PJA2: variants seen among roughly 807,000 people sequenced by gnomAD.
The protein encoded by PJA2 is praja ring finger ubiquitin ligase 2.
In PJA2, 25 loss-of-function variants were observed where a neutral mutation model predicts 69.3. The ratio of observed to expected loss-of-function variants is 0.36; its 90% confidence interval spans 0.26 to 0.50. The LOEUF is 0.50. Among genes scored for constraint, PJA2 ranks in the 20% least tolerant of loss-of-function variants. The pLI is 0.96. For synonymous variants in PJA2, 308 were observed against 277.8 expected (o/e 1.11, Z -1.08); for missense variants, 809 against 830.2 (o/e 0.97, Z 0.31).
Position 109,355,978 on chromosome 5 carries a change from T to A in PJA2, c.1701A>T (p.Ser567=), listed in dbSNP as rs982856315. ...ADGLGVAEAI[S]YVDPQFLTYM... Reference sequence around the variant, plus strand: ...AGGTAAGGAACTGAGGATCCACATATGAAATAGCTTCAGCAACTCCTAGTC... The same window carrying A: ...AGGTAAGGAACTGAGGATCCACATAAGAAATAGCTTCAGCAACTCCTAGTC... The change falls in exon 7 of 10, where the codon TCA becomes TCT. Residue 567 remains serine, a synonymous_variant. Transcript: ENST00000361189. 1 of 1,613,262 alleles carries A rather than the reference T, an allele frequency of 6.2e-7. No individual in the cohort carries two copies. The highest frequency in any genetic ancestry group is 1.3e-5 in the African/African-American group (1 of 74,726).
chr5:109,343,041 A>G (rs1350247907), intron 9 of PJA2, among the ~76,000 whole-genome samples: 1 of 104,164 alleles, frequency 9.6e-6, no homozygotes. Flanking sequence ...CCAGGATGAC[A>G]ATGGCGGCTT....
intron 6 of PJA2, among the ~76,000 whole-genome samples, chr5:109,361,470 T>C (rs375043024): frequency 9.9e-5 from 15 of 152,250 alleles, no homozygotes; most frequent in Admixed American, 2.0e-4. Flanking sequence ...CCTTCATATG[T>C]AACCGTAATT....
chr5:109,399,662 T>C (rs189609156), intron 1 of PJA2, among the ~76,000 whole-genome samples: 51 of 152,266 alleles, frequency 3.3e-4, no homozygotes, highest in Middle Eastern at 3.4e-3. Flanking sequence ...TAAGAATTAT[T>C]TGCCACAATC....
At chr5:109,372,356 T>A (rs893738409) in intron 4 of PJA2, among the ~76,000 whole-genome samples, 1 of 151,978 alleles carries the variant, frequency 6.6e-6, no homozygotes, top group African/African-American at 2.4e-5. Flanking sequence ...AATATCTTTA[T>A]AATCACTTCA....
intron 6 of PJA2, among the ~76,000 whole-genome samples, chr5:109,358,584 C>T (rs935028343): frequency 6.6e-6 from 1 of 152,066 alleles, no homozygotes; most frequent in South Asian, 2.1e-4. Context: ...TTTGGGAGGC[C>T]GAGGTGGGCG....
chr5:109,363,149 A>T, intron 5 of PJA2, 127 bp from the exon 6 acceptor site: 1 of 750,716 alleles, frequency 1.3e-6, no homozygotes, highest in Non-Finnish European at 1.9e-6. Flanking sequence ...TATAATTCTA[A>T]AAAACTGTCT....
chr5:109,382,418 C>T (rs1013722624), intron 2 of PJA2, among the ~76,000 whole-genome samples: 2 of 152,146 alleles, frequency 1.3e-5, no homozygotes, highest in African/African-American at 4.8e-5. Context: ...TAAACAGCAG[C>T]AACTTTCACT....
At chr5:109,391,850 C>G (rs1747289426) in intron 1 of PJA2, among the ~76,000 whole-genome samples, 1 of 152,046 alleles carries the variant, frequency 6.6e-6, no homozygotes, top group South Asian at 2.1e-4. Context: ...CTAATATTAC[C>G]TTGAAAGGAT....
intron 1 of PJA2, among the ~76,000 whole-genome samples, chr5:109,396,633 G>A (rs1245339969): frequency 6.6e-6 from 1 of 151,004 alleles, no homozygotes; most frequent in Admixed American, 6.6e-5. Context: ...CACCATGTTG[G>A]TCAGGCTAGT....
intron 7 of PJA2, among the ~76,000 whole-genome samples, chr5:109,353,062 A>G (rs1358589815): frequency 6.9e-6 from 1 of 144,732 alleles, no homozygotes; most frequent in Non-Finnish European, 1.5e-5. Context: ...AGACATCTAT[A>G]TATTAGATAC....
intron 9 of PJA2, among the ~76,000 whole-genome samples, chr5:109,342,184 C>G (rs1273797542): frequency 4.2e-3 from 377 of 89,176 alleles, no homozygotes; most frequent in African/African-American, 0.017. Context: ...GCCGCCCCGT[C>G]CGGGAGGGAG....
intron 7 of PJA2, among the ~76,000 whole-genome samples, chr5:109,354,151 A>G (rs1215377736): frequency 8.5e-6 from 1 of 118,160 alleles, no homozygotes; most frequent in African/African-American, 3.3e-5. Context: ...TAGATTAGAT[A>G]TCTATGATAT....
At chr5:109,391,619 G>C (rs954773389) in intron 1 of PJA2, among the ~76,000 whole-genome samples, 2 of 151,560 alleles carry the variant, frequency 1.3e-5, no homozygotes, top group Non-Finnish European at 2.9e-5. Flanking sequence ...GAGTGTGCTT[G>C]TCAGTGAATT....
chr5:109,348,525 A>T (rs1397590436), intron 7 of PJA2, among the ~76,000 whole-genome samples: 1 of 152,098 alleles, frequency 6.6e-6, no homozygotes, highest in Non-Finnish European at 1.5e-5. Flanking sequence ...TCCCCAAGTC[A>T]CTCTGAGCCT....
At chr5:109,400,926 T>C (rs922547581) in intron 1 of PJA2, among the ~76,000 whole-genome samples, 2 of 152,072 alleles carry the variant, frequency 1.3e-5, no homozygotes, top group African/African-American at 2.4e-5. Context: ...GAGCTTGCAG[T>C]GAGCCGAGAT....
At chr5:109,352,670 G>C (rs781519960) in intron 7 of PJA2, among the ~76,000 whole-genome samples, 2 of 151,830 alleles carry the variant, frequency 1.3e-5, no homozygotes, top group Non-Finnish European at 2.9e-5. Flanking sequence ...CAATCTCCAT[G>C]GACAGTTATA....
At chr5:109,354,035 A>G (rs993745942) in intron 7 of PJA2, among the ~76,000 whole-genome samples, 2 of 144,396 alleles carry the variant, frequency 1.4e-5, no homozygotes, top group Non-Finnish European at 3.0e-5. Flanking sequence ...ATATCTAGAG[A>G]TATCTATAGA....
At chr5:109,342,396 C>T (rs1353140211) in intron 9 of PJA2, among the ~76,000 whole-genome samples, 116 of 121,202 alleles carry the variant, frequency 9.6e-4, no homozygotes, top group African/African-American at 3.8e-3. Context: ...GCCCCCTGCC[C>T]GGCCAGCCGC....
At chr5:109,342,530 G>T (rs1465175775) in intron 9 of PJA2, among the ~76,000 whole-genome samples, 4 of 117,202 alleles carry the variant, frequency 3.4e-5, no homozygotes, top group African/African-American at 1.4e-4. Context: ...GGTGGGGGGG[G>T]TCAGCTCCCC....
Sources: allele counts gnomAD v4.1 joint callset (sites outside exome capture counted in the v4.1 genomes callset), GRCh38; gene constraint gnomAD v4.1.1; transcripts MANE v1.5; gene names NCBI Gene and HGNC (gene_info 2026-07-23, HGNC 2026-07-21).